TRIM24: variants seen among roughly 807,000 people sequenced by gnomAD.
TRIM24 encodes tripartite motif containing 24.
In TRIM24, 29 loss-of-function variants were observed where a neutral mutation model predicts 123.9. The observed-to-expected ratio is 0.23, with a 90% CI of 0.17 to 0.32. The LOEUF (loss-of-function observed/expected upper bound fraction) is 0.32, where lower values mean the gene tolerates loss of function less well. Among genes scored for constraint, TRIM24 ranks in the 10% least tolerant of loss-of-function variants. TRIM24 has a pLI of 1.00. For missense variants in TRIM24, 932 were observed against 1,295.3 expected, an observed-to-expected ratio of 0.72 and a Z score of 4.31; for synonymous variants, 456 against 461.1, an observed-to-expected ratio of 0.99 and a Z score of 0.14.
chr7:138,521,485 G>C (rs1796502893), intron 4 of TRIM24, among the ~76,000 whole-genome samples: 1 of 152,110 alleles, frequency 6.6e-6, no homozygotes, highest in Admixed American at 6.5e-5. Context: ...AAGGTGTGGA[G>C]AGTTGTGGGG....
At chr7:138,576,687 A>T (rs1563066749) in intron 13 of TRIM24, among the ~76,000 whole-genome samples, 1 of 152,222 alleles carries the variant, frequency 6.6e-6, no homozygotes, top group Admixed American at 6.5e-5. Flanking sequence ...TTGGATATTC[A>T]TATAATAGCA....
intron 2 of TRIM24, among the ~76,000 whole-genome samples, chr7:138,510,395 G>C (rs531663038): frequency 6.6e-6 from 1 of 152,028 alleles, no homozygotes; most frequent in Admixed American, 6.6e-5. Flanking sequence ...AATCATGTGT[G>C]TGTGTGGTTT....
chr7:138,508,007 A>T (rs1796187395), intron 2 of TRIM24, among the ~76,000 whole-genome samples: 1 of 152,090 alleles, frequency 6.6e-6, no homozygotes, highest in Non-Finnish European at 1.5e-5. Flanking sequence ...AATCAAATGG[A>T]TCTGAATATT....
chr7:138,474,818 A>G (rs1176530056), intron 1 of TRIM24, among the ~76,000 whole-genome samples: 6 of 152,174 alleles, frequency 3.9e-5, no homozygotes, highest in Non-Finnish European at 8.8e-5. Context: ...TCTTTACACT[A>G]ATATCATGCT....
chr7:138,576,422 C>A lies in TRIM24; in HGVS notation c.2064C>A (p.Ala688=), dbSNP rs1445026166. The A allele has an allele frequency of 2.5e-6, 4 of 1,613,698 alleles. No homozygotes were observed. The highest frequency in any genetic ancestry group is 3.4e-6 in the Non-Finnish European group (4 of 1,179,792). ...SVHPPIRSPS[A]SSVGSRGSSG... Reference sequence around the variant, plus strand: ...ACCCCCCAATACGTTCACCTAGTGCCTCCAGCGTTGGAAGCCGAGGAAGGT... The same window carrying A: ...ACCCCCCAATACGTTCACCTAGTGCATCCAGCGTTGGAAGCCGAGGAAGGT... Residue 688 remains alanine, a synonymous_variant, in exon 13 of 19, where the codon GCC becomes GCA. Transcript: ENST00000343526.
At chr7:138,580,769 A>G in intron 16 of TRIM24, 75 bp downstream of exon 16, 6 of 1,376,166 alleles carry the variant, frequency 4.4e-6, no homozygotes, top group Non-Finnish European at 4.9e-6. Context: ...AAAGAGGTGT[A>G]TATCCATCCA....
chr7:138,477,987 T>C (rs1795440716), intron 1 of TRIM24, among the ~76,000 whole-genome samples: 1 of 152,216 alleles, frequency 6.6e-6, no homozygotes, highest in African/African-American at 2.4e-5. Flanking sequence ...AGCAGATTTT[T>C]AAAATGCAGG....
intron 12 of TRIM24, among the ~76,000 whole-genome samples, chr7:138,575,416 C>G (rs1797735922): frequency 6.6e-6 from 1 of 151,356 alleles, no homozygotes; most frequent in African/African-American, 2.4e-5. Flanking sequence ...CTTTAGCCTT[C>G]CCAGTAGTGG....
At chr7:138,526,952 A>G (rs1178503962) in intron 5 of TRIM24, among the ~76,000 whole-genome samples, 1 of 152,192 alleles carries the variant, frequency 6.6e-6, no homozygotes, top group East Asian at 1.9e-4. Context: ...TTAATTTTAA[A>G]TTAAACATCT....
intron 17 of TRIM24, among the ~76,000 whole-genome samples, chr7:138,582,988 C>G (rs948136283): frequency 1.3e-5 from 2 of 152,178 alleles, no homozygotes; most frequent in African/African-American, 2.4e-5. Flanking sequence ...CTTACAGTTA[C>G]GTTATTAATA....
intron 2 of TRIM24, among the ~76,000 whole-genome samples, chr7:138,508,700 C>CGCGCGCGTGT (rs1182276337): frequency 5.6e-5 from 2 of 35,574 alleles, no homozygotes; most frequent in Admixed American, 5.8e-4. Context: ...TGTGCGCGCG[C>CGCGCGCGTGT]GTGTGTGCGT....
At chr7:138,561,263 A>G (rs1410975449) in intron 9 of TRIM24, among the ~76,000 whole-genome samples, 2 of 152,108 alleles carry the variant, frequency 1.3e-5, no homozygotes, top group African/African-American at 4.8e-5. Context: ...ACCCCTTCCA[A>G]TACAAAATTG....
intron 4 of TRIM24, among the ~76,000 whole-genome samples, chr7:138,521,251 A>G (rs1458321805): frequency 2.6e-5 from 4 of 152,208 alleles, no homozygotes; most frequent in South Asian, 2.1e-4. Context: ...GAGTAAATCT[A>G]AATGAATGTT....
chr7:138,572,152 C>T lies in TRIM24; in HGVS notation c.1878+1149C>T, dbSNP rs1344983960. On this transcript the variant is annotated intron_variant, in intron 11 of 18. Transcript: ENST00000343526. ...CCTAATAGTTGCATTGTTAATCTTA[C>T]CAGAGTCATTCCATTTTTAAAATAG... Among the ~76,000 whole-genome samples, 3 of 152,138 alleles carry T rather than the reference C, an allele frequency of 2.0e-5. No individual in the cohort carries two copies. The East Asian group carries it at 5.8e-4, about 29-fold the overall frequency.
At chr7:138,546,662 C>A (rs1456623523) in intron 7 of TRIM24, among the ~76,000 whole-genome samples, 2 of 152,104 alleles carry the variant, frequency 1.3e-5, no homozygotes, top group Non-Finnish European at 2.9e-5. Flanking sequence ...GTGGTCATAA[C>A]TTAACACTCA....
chr7:138,487,500 T>C (rs886895649), intron 1 of TRIM24, among the ~76,000 whole-genome samples: 2 of 152,204 alleles, frequency 1.3e-5, no homozygotes, highest in African/African-American at 4.8e-5. Context: ...ATAGCTCTTA[T>C]TATTTTGAGA....
chr7:138,583,147 G>T (rs564224116), intron 17 of TRIM24, among the ~76,000 whole-genome samples: 2 of 152,328 alleles, frequency 1.3e-5, no homozygotes, highest in East Asian at 1.9e-4. Flanking sequence ...ACACTGAGCA[G>T]CAGAGCTGGG....
intron 6 of TRIM24, 27 bp downstream of exon 6, chr7:138,529,257 A>T (rs766048780): frequency 8.6e-7 from 1 of 1,167,304 alleles, no homozygotes; most frequent in East Asian, 2.6e-5. Flanking sequence ...GGGATAGTAT[A>T]TTGATTCAAC....
intron 2 of TRIM24, among the ~76,000 whole-genome samples, chr7:138,508,692 T>TGTGCGCACGCGC (rs1422176564): frequency 2.9e-5 from 4 of 137,214 alleles, no homozygotes; most frequent in Non-Finnish European, 4.7e-5. Flanking sequence ...TGTGTGTGTG[T>TGTGCGCACGCGC]GCGCGCGCGT....
Sources: gnomAD v4.1 joint callset for allele counts (sites outside exome capture counted in the v4.1 genomes callset) on GRCh38, gnomAD v4.1.1 for gene constraint, MANE v1.5 for transcripts, NCBI Gene and HGNC (gene_info 2026-07-23, HGNC 2026-07-21) for gene names.